The following LPAR1 variants were observed in gnomAD, a reference collection of about 807,000 sequenced individuals.
The protein encoded by LPAR1 is lysophosphatidic acid receptor 1, also known as LPA receptor 1.
LPAR1 carries 5 observed loss-of-function variants against 23.8 expected under a neutral mutation model. That is an observed-to-expected ratio of 0.21 (90% CI 0.11 to 0.44). The LOEUF is 0.44. LPAR1 is among the 20% of genes least tolerant of loss of function. The pLI, the probability that LPAR1 is intolerant of heterozygous loss-of-function variation, is 0.99. For missense variants in LPAR1, 311 were observed against 482.8 expected, an observed-to-expected ratio of 0.64 and a Z score of 3.33; for synonymous variants, 160 against 164.7, an observed-to-expected ratio of 0.97 and a Z score of 0.22.
intron 2 of LPAR1, among the ~76,000 whole-genome samples, chr9:111,014,234 C>A (rs1448460596): frequency 6.6e-6 from 1 of 152,194 alleles, no homozygotes; most frequent in Non-Finnish European, 1.5e-5. Flanking sequence ...CTCCAGAGGC[C>A]TTGTGGGGAA....
chr9:110,933,454 T>C (rs1053045995), intron 5 of LPAR1, among the ~76,000 whole-genome samples: 1 of 152,226 alleles, frequency 6.6e-6, no homozygotes, highest in South Asian at 2.1e-4. Context: ...GTTCATCTAA[T>C]GCTCACAACC....
chr9:110,926,515 C>T (rs542550768), intron 5 of LPAR1, among the ~76,000 whole-genome samples: 1 of 152,228 alleles, frequency 6.6e-6, no homozygotes, highest in South Asian at 2.1e-4. Context: ...TCTCAAGATA[C>T]CTTTTAGTAG....
intron 2 of LPAR1, among the ~76,000 whole-genome samples, chr9:110,982,025 T>C (rs967706867): frequency 3.9e-5 from 6 of 152,138 alleles, no homozygotes; most frequent in Non-Finnish European, 5.9e-5. Context: ...ACAGTGTTGG[T>C]AGGAGTGTAA....
At chr9:110,983,569 T>C (rs1588680947) in intron 2 of LPAR1, among the ~76,000 whole-genome samples, 1 of 151,968 alleles carries the variant, frequency 6.6e-6, no homozygotes, top group East Asian at 1.9e-4. Context: ...GTTCTGGAGA[T>C]TGGTTGCACA....
At chr9:111,036,377 GAAA>G (rs34393299) in intron 1 of LPAR1, among the ~76,000 whole-genome samples, 176 bp from the exon 2 acceptor site, 2 of 122,192 alleles carry the variant, frequency 1.6e-5, no homozygotes, top group African/African-American at 6.0e-5. Context: ...TTGAGGAAAG[GAAA>G]AAAAAAAAAA....
intron 2 of LPAR1, among the ~76,000 whole-genome samples, chr9:110,993,219 C>T (rs1187454481): frequency 6.6e-6 from 1 of 152,040 alleles, no homozygotes; most frequent in Non-Finnish European, 1.5e-5. Context: ...TGGTTTGCTG[C>T]ACCCATCAAC....
rs541005257 is a variant in LPAR1 at position 110,916,820 on chromosome 9, T to C, written c.793+24601A>G. Among the ~76,000 whole-genome samples the C allele has an allele frequency of 1.4e-3, 214 of 152,036 alleles. 1 individual carries two copies. Among genetic ancestry groups the C allele is most frequent in the Non-Finnish European group, 2.7e-3 (186 of 67,980 alleles). The stretch of plus-strand genomic sequence containing the variant: ...TATATCCAGATGTCAGCAACAAAGA[T>C]AATATTTTTTAAACTTGGAAAAAAT... On this transcript the variant is annotated intron_variant, in intron 5 of 5. Coordinates refer to ENST00000683809, the MANE Select transcript of LPAR1 (RefSeq NM_001351411.2).
At position 110,892,755 on chromosome 9, in the gene LPAR1, G is replaced by A. The variant is rs75349247; in HGVS notation, c.794-17033C>T. ...GGAAAGGGAAGGAAGAGGGAGGGAG[G>A]AAGGGGAGGAAGGGAAGGAAGGAAG... On this transcript the variant is annotated intron_variant, in intron 5 of 5. Coordinates refer to ENST00000683809, the MANE Select transcript of LPAR1 (RefSeq NM_001351411.2). Among the ~76,000 whole-genome samples the A allele has an allele frequency of 3.6e-3, 518 of 145,374 alleles. 2 individuals are homozygous for A. The highest frequency in any genetic ancestry group is 0.012 in the African/African-American group (474 of 39,368).
Position 110,874,834 on chromosome 9 carries a change from C to A in LPAR1, c.*587G>T, listed in dbSNP as rs1308246271. 1 of 152,540 alleles carries A rather than the reference C, an allele frequency of 6.6e-6. No homozygotes were observed. Among genetic ancestry groups the A allele is most frequent in the Admixed American group, 6.5e-5 (1 of 15,272 alleles). The allele number at this position is 152,540 out of a possible 1,614,324, so 9.4% of individuals were successfully genotyped here. On this transcript the variant is annotated 3_prime_UTR_variant, in exon 6 of 6. Coordinates refer to ENST00000683809, the MANE Select transcript of LPAR1 (RefSeq NM_001351411.2). ...GATTTAACATTAGTATCCTTTTAAT[C>A]TTTTTAAGTAAGGCATACTGCATAC...
chr9:110,925,269 A>C (rs557942012), intron 5 of LPAR1, among the ~76,000 whole-genome samples: 26 of 150,142 alleles, frequency 1.7e-4, no homozygotes, highest in Non-Finnish European at 3.1e-4. Flanking sequence ...TATATATAAA[A>C]TAGTCCATAT....
At chr9:110,886,404 C>T (rs1182818552) in intron 5 of LPAR1, among the ~76,000 whole-genome samples, 1 of 132,548 alleles carries the variant, frequency 7.5e-6, no homozygotes, top group African/African-American at 2.7e-5. Flanking sequence ...GCATTATTAC[C>T]CATCAATAAC....
chr9:111,037,683 C>T (rs1305133117), intron 1 of LPAR1, among the ~76,000 whole-genome samples: 1 of 152,214 alleles, frequency 6.6e-6, no homozygotes, highest in Non-Finnish European at 1.5e-5. Flanking sequence ...AGGTGCGGAG[C>T]CCCAGGGGCG....
At chr9:110,878,572 G>A (rs1239006146) in intron 5 of LPAR1, among the ~76,000 whole-genome samples, 1 of 152,200 alleles carries the variant, frequency 6.6e-6, no homozygotes, top group Non-Finnish European at 1.5e-5. Flanking sequence ...AATCTACAGA[G>A]AGTTCAGCGT....
chr9:111,034,408 G>A (rs1201624675), intron 2 of LPAR1, among the ~76,000 whole-genome samples: 8 of 151,864 alleles, frequency 5.3e-5, no homozygotes, highest in Admixed American at 2.0e-4. Context: ...AAAGAGAGGG[G>A]AAAAAAAATG....
intron 4 of LPAR1, among the ~76,000 whole-genome samples, chr9:110,966,206 C>T (rs1413658712): frequency 6.6e-6 from 1 of 151,952 alleles, no homozygotes; most frequent in Non-Finnish European, 1.5e-5. Context: ...ATGGGCCGGG[C>T]ATGCTGGCTC....
intron 5 of LPAR1, among the ~76,000 whole-genome samples, chr9:110,884,516 A>G (rs1310072959): frequency 1.3e-5 from 2 of 152,208 alleles, no homozygotes; most frequent in African/African-American, 4.8e-5. Context: ...TAAGTGCTCT[A>G]TAAACATTTG....
chr9:111,033,740 A>C (rs2097844528), intron 2 of LPAR1, among the ~76,000 whole-genome samples: 1 of 152,044 alleles, frequency 6.6e-6, no homozygotes, highest in African/African-American at 2.4e-5. Context: ...TTTAGTAGAG[A>C]CAGGGTTTCA....
intron 5 of LPAR1, among the ~76,000 whole-genome samples, chr9:110,925,558 C>A (rs966606550): frequency 3.3e-5 from 5 of 152,112 alleles, no homozygotes; most frequent in Non-Finnish European, 7.4e-5. Context: ...CATATAGAAC[C>A]TTCAGATCAC....
chr9:110,876,888 C>T (rs939490907), intron 5 of LPAR1, among the ~76,000 whole-genome samples: 6 of 152,118 alleles, frequency 3.9e-5, no homozygotes, highest in African/African-American at 9.7e-5. Flanking sequence ...GCATTAAATC[C>T]TACCACTGTG....
Sources: gnomAD v4.1 joint callset for allele counts (sites outside exome capture counted in the v4.1 genomes callset) on GRCh38, gnomAD v4.1.1 for gene constraint, MANE v1.5 for transcripts, NCBI Gene and HGNC (gene_info 2026-07-23, HGNC 2026-07-21) for gene names.